The following COL27A1 variants were observed in gnomAD, a reference collection of about 807,000 sequenced individuals.
COL27A1 encodes the protein collagen alpha-1(XXVII) chain.
COL27A1 carries 106 observed loss-of-function variants against 251.3 expected under a neutral mutation model. That is an observed-to-expected ratio of 0.42 (90% CI 0.36 to 0.50). The LOEUF (loss-of-function observed/expected upper bound fraction) is 0.50, where lower values mean the gene tolerates loss of function less well. Among genes scored for constraint, COL27A1 ranks in the 20% least tolerant of loss-of-function variants. COL27A1 has a pLI of 0.00. For missense variants in COL27A1, 2,325 were observed against 2,522.8 expected, an observed-to-expected ratio of 0.92 and a Z score of 1.68; for synonymous variants, 1,000 against 986.3, an observed-to-expected ratio of 1.01 and a Z score of -0.26.
intron 7 of COL27A1, 145 bp from the exon 8 acceptor site, chr9:114,204,957 C>A (rs1417199808): frequency 3.0e-6 from 2 of 659,068 alleles, no homozygotes; most frequent in Non-Finnish European, 5.3e-6. Flanking sequence ...CTGCATCCAT[C>A]TGGGGAACCT....
intron 27 of COL27A1, among the ~76,000 whole-genome samples, chr9:114,254,574 C>T (rs925432766): frequency 3.9e-5 from 6 of 152,102 alleles, no homozygotes; most frequent in African/African-American, 1.4e-4. Flanking sequence ...GGCACAGATC[C>T]GGAGGTAGGG....
At chr9:114,180,986 A>G (rs1222423151) in intron 4 of COL27A1, among the ~76,000 whole-genome samples, 1 of 152,072 alleles carries the variant, frequency 6.6e-6, no homozygotes, top group African/African-American at 2.4e-5. Context: ...GCTCTGGTGG[A>G]ACTGGGTGTC....
chr9:114,196,004 G>A lies in COL27A1; in HGVS notation c.2116G>A (p.Gly706Arg), dbSNP rs759635566. The A allele has an allele frequency of 3.7e-6, 6 of 1,614,068 alleles. No homozygotes were observed. The highest frequency in any genetic ancestry group is 5.1e-6 in the Non-Finnish European group (6 of 1,179,948). The change falls in exon 7 of 61, where the codon GGA (glycine) becomes AGA (arginine). Residue 706 changes from glycine to arginine, a missense_variant. Coordinates refer to ENST00000356083, the MANE Select transcript of COL27A1 (RefSeq NM_032888.4). ...PGLSGNPGPP[G>R]RKGHKGYPGP... ...GCTCTCCGGGAATCCAGGACCTCCG[G>A]GACGAAAGGTACTGTTTGGTTTTGA...
intron 35 of COL27A1, 45 bp downstream of exon 35, chr9:114,269,339 T>C (rs766658468): frequency 1.4e-6 from 2 of 1,471,084 alleles, no homozygotes; most frequent in African/African-American, 1.4e-5. Context: ...CCAGGGTGTG[T>C]GGGTGCCGCA....
intron 41 of COL27A1, among the ~76,000 whole-genome samples, chr9:114,287,164 A>G (rs1169602224): frequency 1.3e-5 from 2 of 152,120 alleles, no homozygotes; most frequent in Non-Finnish European, 2.9e-5. Flanking sequence ...CCAGAACCAC[A>G]GAGGCCCAGG....
intron 21 of COL27A1, 112 bp from the exon 22 acceptor site, chr9:114,242,075 C>A: frequency 1.1e-6 from 1 of 934,992 alleles, no homozygotes; most frequent in Non-Finnish European, 1.5e-6. Context: ...TTCCCTTTGT[C>A]CAGGAGGGCT....
At chr9:114,289,701 G>T (rs1827771207) in intron 45 of COL27A1, among the ~76,000 whole-genome samples, 1 of 151,992 alleles carries the variant, frequency 6.6e-6, no homozygotes, top group African/African-American at 2.4e-5. Context: ...CCAGCCCCCA[G>T]ACTGGGCCAG....
intron 57 of COL27A1, among the ~76,000 whole-genome samples, chr9:114,305,408 C>T (rs576158594): frequency 2.5e-4 from 38 of 152,162 alleles, no homozygotes; most frequent in South Asian, 6.2e-4. Context: ...AGAAGGGAAG[C>T]GTTTCCTTCC....
chr9:114,196,005 G>T lies in COL27A1; in HGVS notation c.2117G>T (p.Gly706Val). ...CTCTCCGGGAATCCAGGACCTCCGG[G>T]ACGAAAGGTACTGTTTGGTTTTGAT... ...PGLSGNPGPP[G>V]RKGHKGYPGP... The change falls in exon 7 of 61, where the codon GGA (glycine) becomes GTA (valine). Residue 706 changes from glycine (G) to valine (V), a missense_variant. Coordinates refer to ENST00000356083, the MANE Select transcript of COL27A1 (RefSeq NM_032888.4). 2 of 1,614,066 alleles carry T rather than the reference G, an allele frequency of 1.2e-6. No homozygotes were observed. Among genetic ancestry groups the T allele is most frequent in the Non-Finnish European group, 1.7e-6 (2 of 1,179,954 alleles).
At chr9:114,255,419 C>A (rs1833857203) in intron 27 of COL27A1, among the ~76,000 whole-genome samples, 1 of 152,160 alleles carries the variant, frequency 6.6e-6, no homozygotes, top group African/African-American at 2.4e-5. Context: ...CCCTGGCACC[C>A]CTGCACCTCA....
intron 27 of COL27A1, among the ~76,000 whole-genome samples, chr9:114,253,323 GAGGA>G (rs1224944449): frequency 6.7e-6 from 1 of 149,096 alleles, no homozygotes; most frequent in Admixed American, 6.7e-5. Context: ...AAGAAAGAGA[GAGGA>G]AGGGAGGGGA....
At chr9:114,288,087 G>T (rs971043579) in intron 41 of COL27A1, among the ~76,000 whole-genome samples, 1 of 152,088 alleles carries the variant, frequency 6.6e-6, no homozygotes, top group Non-Finnish European at 1.5e-5. Flanking sequence ...ACCCCACTCC[G>T]CTCTGTTCTC....
intron 41 of COL27A1, among the ~76,000 whole-genome samples, chr9:114,285,383 G>A (rs1666814090): frequency 6.6e-6 from 1 of 152,132 alleles, no homozygotes; most frequent in South Asian, 2.1e-4. Flanking sequence ...AGTGCCAGAA[G>A]GTCCAAGGTG....
At chr9:114,296,514 A>C (rs1342505945) in intron 49 of COL27A1, among the ~76,000 whole-genome samples, 2 of 152,380 alleles carry the variant, frequency 1.3e-5, no homozygotes, top group Non-Finnish European at 2.9e-5. Context: ...GCTATGGCAT[A>C]CCTATTAAAA....
Position 114,182,977 on chromosome 9 carries a change from T to G in COL27A1, c.1963-45T>G, listed in dbSNP as rs772258909. On this transcript the variant is annotated intron_variant, in intron 4 of 60. Transcript: ENST00000356083. ...TTGCTGTCAGAGGCGAGATGGCCCC[T>G]GTTTTTTGTCACCTTTTTTTGTTTT... 3 of 1,572,058 alleles carry G rather than the reference T, an allele frequency of 1.9e-6. No individual in the cohort carries two copies. The African/African-American group carries it at 4.1e-5, about 21-fold the overall frequency.
At chr9:114,268,636 A>G (rs1834906360) in intron 34 of COL27A1, among the ~76,000 whole-genome samples, 1 of 152,174 alleles carries the variant, frequency 6.6e-6, no homozygotes, top group Non-Finnish European at 1.5e-5. Flanking sequence ...TGGGCTCCTT[A>G]CCGAACTCCC....
intron 37 of COL27A1, among the ~76,000 whole-genome samples, chr9:114,277,979 T>C (rs1441934224): frequency 3.3e-5 from 5 of 152,210 alleles, no homozygotes; most frequent in African/African-American, 1.2e-4. Context: ...AGTAACCCAT[T>C]CTCTGTGTGA....
At chr9:114,277,617 GAGA>G (rs777022527) in intron 37 of COL27A1, among the ~76,000 whole-genome samples, 4 of 152,188 alleles carry the variant, frequency 2.6e-5, no homozygotes, top group Non-Finnish European at 5.9e-5. Context: ...CACCAAACTA[GAGA>G]AGAATACGAG....
chr9:114,209,287 G>A lies in COL27A1; in HGVS notation c.2269-388G>A, dbSNP rs1373866599. On this transcript the variant is annotated intron_variant, in intron 10 of 60. Transcript: ENST00000356083. ...ACCTTGAAGGCCTAGGAGGAGCCATGGCAGGAGCCACGGGCACCTACCAGC... is the reference window on the plus strand; with the variant it reads ...ACCTTGAAGGCCTAGGAGGAGCCATAGCAGGAGCCACGGGCACCTACCAGC... 7.2e-6 allele frequency: 3 copies of A among 419,478 alleles called. No homozygotes were observed. The East Asian group carries it at 1.8e-4, about 25-fold the overall frequency. The allele number at this position is 419,478 out of a possible 1,614,324, so 26.0% of individuals were successfully genotyped here.
Sources: gnomAD v4.1 joint callset for allele counts (sites outside exome capture counted in the v4.1 genomes callset) on GRCh38, gnomAD v4.1.1 for gene constraint, MANE v1.5 for transcripts, NCBI Gene and HGNC (gene_info 2026-07-23, HGNC 2026-07-21) for gene names.